TRPC5: variants seen among roughly 807,000 people sequenced by gnomAD.
TRPC5 encodes the protein transient receptor potential cation channel subfamily C member 5, also known as short transient receptor potential channel 5.
Under a neutral mutation model 56.5 loss-of-function variants are expected in TRPC5, and 9 were observed. That is an observed-to-expected ratio of 0.16 (90% CI 0.10 to 0.28). The LOEUF (loss-of-function observed/expected upper bound fraction) is 0.28. Ranked by LOEUF, TRPC5 falls within the 10% of genes least tolerant of loss-of-function variation. The pLI is 1.00. For missense variants in TRPC5, 469 were observed against 748.9 expected (o/e 0.63, Z 4.36); for synonymous variants, 282 against 278.5 (o/e 1.01, Z -0.13).
At chrX:111,934,579 T>G (rs1206152734) in intron 2 of TRPC5, among the ~76,000 whole-genome samples, 1 of 111,373 alleles carries the variant, frequency 9.0e-6, no homozygotes, top group Non-Finnish European at 1.9e-5. Flanking sequence ...TCTATCTATC[T>G]TTGCACCCAT....
At chrX:111,858,443 C>G (rs745642822) in intron 3 of TRPC5, among the ~76,000 whole-genome samples, 2 of 108,889 alleles carry the variant, frequency 1.8e-5, no homozygotes, top group South Asian at 3.9e-4. Flanking sequence ...GCTCGACAGT[C>G]AACAGGTTTA....
intron 3 of TRPC5, among the ~76,000 whole-genome samples, chrX:111,884,622 C>A (rs979778948): frequency 2.7e-5 from 3 of 112,665 alleles, no homozygotes; most frequent in Non-Finnish European, 3.7e-5. Context: ...TTAGATAAGG[C>A]CTAGTCAGAG....
intron 1 of TRPC5, among the ~76,000 whole-genome samples, chrX:112,040,449 C>T (rs1358002503): frequency 9.0e-6 from 1 of 111,719 alleles, no homozygotes; most frequent in Non-Finnish European, 1.9e-5. Flanking sequence ...TAAGATCATA[C>T]ACTTAAAGTA....
chrX:111,795,405 A>G (rs759747837), intron 7 of TRPC5, among the ~76,000 whole-genome samples: 2 of 111,299 alleles, frequency 1.8e-5, no homozygotes, highest in Admixed American at 1.9e-4. Flanking sequence ...AATTGATATG[A>G]TCATGGGCTT....
At chrX:111,909,482 G>A (rs951776760) in intron 3 of TRPC5, among the ~76,000 whole-genome samples, 1 of 110,970 alleles carries the variant, frequency 9.0e-6, no homozygotes, top group Non-Finnish European at 1.9e-5. Flanking sequence ...TCCTAGTGAC[G>A]ATGGATGCAC....
chrX:111,798,930 A>T (rs896422385), intron 7 of TRPC5, among the ~76,000 whole-genome samples: 23 of 112,243 alleles, frequency 2.0e-4, no homozygotes, highest in Middle Eastern at 4.6e-3. Context: ...TTTTAGAAAG[A>T]GGTTTGGCTT....
At chrX:111,796,703 G>C (rs531318885) in intron 7 of TRPC5, among the ~76,000 whole-genome samples, 41 of 111,355 alleles carry the variant, frequency 3.7e-4, no homozygotes, top group South Asian at 7.5e-4. Context: ...TTAAAACTCT[G>C]CCTTGGCCTT....
intron 1 of TRPC5, among the ~76,000 whole-genome samples, chrX:111,965,595 G>C: frequency 9.0e-6 from 1 of 111,682 alleles, no homozygotes; most frequent in Non-Finnish European, 1.9e-5. Flanking sequence ...CTCCGCAAAT[G>C]TAAAAGAATA....
intron 3 of TRPC5, among the ~76,000 whole-genome samples, chrX:111,877,492 G>C (rs1237384643): frequency 9.0e-6 from 1 of 111,012 alleles, no homozygotes; most frequent in East Asian, 2.8e-4. Flanking sequence ...TAAACCTCAA[G>C]TTTAGGATAT....
intron 9 of TRPC5, 100 bp downstream of exon 9, chrX:111,781,065 C>A: frequency 1.2e-6 from 1 of 844,517 alleles, no homozygotes; most frequent in South Asian, 2.0e-5. Flanking sequence ...CTATCCCAGT[C>A]AAATGGGATC....
intron 1 of TRPC5, among the ~76,000 whole-genome samples, chrX:111,960,374 G>C (rs1451014986): frequency 2.7e-5 from 3 of 112,272 alleles, no homozygotes; most frequent in African/African-American, 9.7e-5. Flanking sequence ...GGGGAGGTTT[G>C]TATAACCACT....
intron 1 of TRPC5, among the ~76,000 whole-genome samples, chrX:112,025,876 C>T (rs1174580223): frequency 8.9e-6 from 1 of 111,746 alleles, no homozygotes; most frequent in East Asian, 2.8e-4. Context: ...CCCAGGCTTC[C>T]TATTAGCCTC....
At chrX:112,059,599 G>A (rs1309464476) in intron 1 of TRPC5, among the ~76,000 whole-genome samples, 1 of 111,838 alleles carries the variant, frequency 8.9e-6, no homozygotes, top group African/African-American at 3.3e-5. Context: ...GAAAGGAGAG[G>A]CCAACACCAA....
chrX:111,940,388 G>A (rs757927877), intron 2 of TRPC5, among the ~76,000 whole-genome samples: 1 of 111,661 alleles, frequency 9.0e-6, no homozygotes, highest in African/African-American at 3.3e-5. Flanking sequence ...ACCCTGACAC[G>A]TAAAGCAAAA....
chrX:112,039,499 C>T (rs756728779), intron 1 of TRPC5, among the ~76,000 whole-genome samples: 1 of 112,060 alleles, frequency 8.9e-6, no homozygotes, highest in African/African-American at 3.2e-5. Context: ...GGTCATATCC[C>T]TAGGTTTGAA....
At chrX:112,079,157 G>A (rs775795690) in intron 1 of TRPC5, among the ~76,000 whole-genome samples, 149 of 112,024 alleles carry the variant, frequency 1.3e-3, no homozygotes, top group African/African-American at 4.2e-3. Context: ...GTTAGCAGGA[G>A]GCATCTGAAC....
chrX:111,782,216 G>A, intron 7 of TRPC5, 78 bp from the exon 8 acceptor site: 1 of 923,726 alleles, frequency 1.1e-6, no homozygotes, highest in Non-Finnish European at 1.5e-6. Context: ...AAACTTTCTA[G>A]TTGCTTCTAT....
At chrX:111,906,915 TCCTA>T (rs780563362) in intron 3 of TRPC5, among the ~76,000 whole-genome samples, 55 of 111,510 alleles carry the variant, frequency 4.9e-4, no homozygotes, top group African/African-American at 1.8e-3. Context: ...GAGGAAGTAA[TCCTA>T]CCTATCCTTG....
rs1488906361 is a variant in TRPC5, at chrX:111,909,458, T to C, written c.900+2833A>G. Among the ~76,000 whole-genome samples, 4 of 111,364 alleles carry C rather than the reference T, an allele frequency of 3.6e-5. 1 individual carries two copies. Among genetic ancestry groups the C allele is most frequent in the African/African-American group, 1.3e-4 (4 of 30,852 alleles). The stretch of plus-strand genomic sequence containing the variant: ...AAATAGACACTCCAAAACTTGTGCA[T>C]CTTCAAAAATGCATCCTAGTGACGA... On this transcript the variant is annotated intron_variant, in intron 3 of 10. Transcript: ENST00000262839.
Sources: allele counts gnomAD v4.1 joint callset (sites outside exome capture counted in the v4.1 genomes callset), GRCh38; gene constraint gnomAD v4.1.1; transcripts MANE v1.5; gene names NCBI Gene and HGNC (gene_info 2026-07-23, HGNC 2026-07-21).